Variants in RALGAPB observed in about 807,000 individuals in gnomAD.
The protein encoded by RALGAPB is Ral GTPase activating protein non-catalytic subunit beta.
RALGAPB carries 25 observed loss-of-function variants against 161.1 expected under a neutral mutation model. That is an observed-to-expected ratio of 0.16 (90% CI 0.11 to 0.22). The LOEUF (loss-of-function observed/expected upper bound fraction) is 0.22, where lower values mean the gene tolerates loss of function less well. Ranked by LOEUF, RALGAPB falls within the 10% of genes least tolerant of loss-of-function variation. RALGAPB has a pLI of 1.00. For synonymous variants in RALGAPB, 629 were observed against 626.1 expected (o/e 1.00, Z -0.07); for missense variants, 1,391 against 1,815.2 (o/e 0.77, Z 4.25).
In RALGAPB at chr20:38,493,109, C is replaced by A. The variant is rs1029785307; in HGVS notation, c.366C>A (p.His122Gln). ...AATATGTTCAAACTATACTAAAACACCTACAGAATCTTTTTGTACCAAGGT... is the reference window on the plus strand; with the variant it reads ...AATATGTTCAAACTATACTAAAACAACTACAGAATCTTTTTGTACCAAGGT... ...PNQYVQTILK[H>Q]LQNLFVPRQE... The change falls in exon 3 of 30, where the codon CAC (histidine) becomes CAA (glutamine). Residue 122 changes from histidine (H) to glutamine (Q), a missense_variant. This residue lies in a region of RALGAPB where 946 missense variants were observed against 1,257.2 expected (regional missense o/e 0.75). Coordinates refer to ENST00000262879, the MANE Select transcript of RALGAPB (RefSeq NM_020336.4). The A allele has an allele frequency of 1.9e-6, 3 of 1,607,276 alleles. No homozygotes were observed. The highest frequency in any genetic ancestry group is 1.7e-6 in the Non-Finnish European group (2 of 1,175,190).
At chr20:38,524,505 T>C (rs2086399433) in intron 10 of RALGAPB, among the ~76,000 whole-genome samples, 2 of 151,964 alleles carry the variant, frequency 1.3e-5, no homozygotes, top group South Asian at 4.1e-4. Context: ...TTTTTTTTCT[T>C]CATTAAGAAA....
At chr20:38,566,968 GCCC>G in intron 25 of RALGAPB, 125 bp from the exon 26 acceptor site, 1 of 1,427,228 alleles carries the variant, frequency 7.0e-7, no homozygotes, top group Non-Finnish European at 9.2e-7. Context: ...AAGTTTGTCA[GCCC>G]TTGCTCTCGA....
chr20:38,508,186 C>G (rs972122965), intron 5 of RALGAPB, among the ~76,000 whole-genome samples: 3 of 151,588 alleles, frequency 2.0e-5, no homozygotes, highest in African/African-American at 7.3e-5. Context: ...ATATGTCAAA[C>G]ATATTACATA....
At chr20:38,488,283 GAT>G (rs2085177165) in intron 1 of RALGAPB, 118 bp from the exon 2 acceptor site, 2 of 607,726 alleles carry the variant, frequency 3.3e-6, no homozygotes, top group Non-Finnish European at 5.5e-6. Flanking sequence ...GAAAAACATT[GAT>G]AGAGGCAAGA....
intron 3 of RALGAPB, among the ~76,000 whole-genome samples, chr20:38,495,346 G>A (rs975541344): frequency 2.0e-5 from 3 of 151,902 alleles, no homozygotes; most frequent in Non-Finnish European, 2.9e-5. Flanking sequence ...TTTAAAGTTG[G>A]TTAAGGTTTT....
chr20:38,519,427 G>A (rs936921173), intron 9 of RALGAPB, among the ~76,000 whole-genome samples: 1 of 151,936 alleles, frequency 6.6e-6, no homozygotes, highest in African/African-American at 2.4e-5. Flanking sequence ...TTCTTACAAT[G>A]TAACTTTTGG....
intron 5 of RALGAPB, among the ~76,000 whole-genome samples, chr20:38,505,299 A>G (rs540810667): frequency 6.6e-6 from 1 of 152,356 alleles, no homozygotes; most frequent in South Asian, 2.1e-4. Context: ...GCTTGAAGCC[A>G]TTATCCTAAG....
At chr20:38,519,441 T>C (rs1206383519) in intron 9 of RALGAPB, among the ~76,000 whole-genome samples, 2 of 152,264 alleles carry the variant, frequency 1.3e-5, no homozygotes, top group South Asian at 2.1e-4. Context: ...CTTTTGGGTA[T>C]AGAGCTGTTG....
Position 38,546,460 on chromosome 20 carries a change from A to G in RALGAPB, c.2902+30A>G, listed in dbSNP as rs368014449. 401 of 1,613,164 alleles carry G rather than the reference A, an allele frequency of 2.5e-4. 1 individual carries two copies. Among genetic ancestry groups the G allele is most frequent in the Non-Finnish European group, 3.2e-4 (374 of 1,179,366 alleles). On this transcript the variant is annotated intron_variant, in intron 19 of 29. Coordinates refer to ENST00000262879, the MANE Select transcript of RALGAPB (RefSeq NM_020336.4). ...GTTTATAGTACTTTGAGCCTTCTCT[A>G]CTGCTTAATCAGTGTTACCAGTACC...
intron 2 of RALGAPB, 72 bp from the exon 3 acceptor site, chr20:38,492,858 A>T: frequency 7.9e-7 from 1 of 1,267,814 alleles, no homozygotes; most frequent in Non-Finnish European, 1.1e-6. Context: ...AATAAAAGAG[A>T]TTGACATTTT....
chr20:38,544,150 T>C (rs900015545), intron 18 of RALGAPB, among the ~76,000 whole-genome samples: 1 of 152,166 alleles, frequency 6.6e-6, no homozygotes, highest in Admixed American at 6.5e-5. Context: ...AATTTGGAGA[T>C]TTTCTAACCC....
intron 20 of RALGAPB, among the ~76,000 whole-genome samples, chr20:38,550,266 C>T (rs1235603173): frequency 1.3e-5 from 2 of 152,076 alleles, no homozygotes; most frequent in African/African-American, 2.4e-5. Flanking sequence ...GCACATTATG[C>T]ACATGTACCC....
chr20:38,542,005 A>T (rs1223872291), intron 18 of RALGAPB, among the ~76,000 whole-genome samples: 3 of 152,174 alleles, frequency 2.0e-5, no homozygotes, highest in Non-Finnish European at 4.4e-5. Context: ...TAGCAGAGAA[A>T]GTTGAGAGAG....
intron 22 of RALGAPB, among the ~76,000 whole-genome samples, chr20:38,556,325 T>C (rs1432856294): frequency 6.6e-6 from 1 of 152,138 alleles, no homozygotes; most frequent in Non-Finnish European, 1.5e-5. Flanking sequence ...CTTCCTGCGA[T>C]GATAAATTCT....
chr20:38,500,710 T>G (rs1377510362), intron 5 of RALGAPB, among the ~76,000 whole-genome samples: 1 of 152,194 alleles, frequency 6.6e-6, no homozygotes, highest in Non-Finnish European at 1.5e-5. Flanking sequence ...GCTAGGCCTC[T>G]TGCACCAAAT....
At chr20:38,546,506 A>G in intron 19 of RALGAPB, 76 bp downstream of exon 19, 1 of 1,575,844 alleles carries the variant, frequency 6.3e-7, no homozygotes, top group Non-Finnish European at 8.7e-7. Context: ...TTCCAGGATC[A>G]GGGAAGGACA....
intron 22 of RALGAPB, 93 bp downstream of exon 22, chr20:38,554,169 T>TAAAAA: frequency 1.2e-6 from 1 of 865,002 alleles, no homozygotes; most frequent in Non-Finnish European, 1.7e-6. Flanking sequence ...AGAAGCGAAT[T>TAAAAA]AAAAAAAAAA....
At chr20:38,539,980 C>A (rs750140772) in intron 17 of RALGAPB, 22 bp downstream of exon 17, 1 of 1,583,652 alleles carries the variant, frequency 6.3e-7, no homozygotes. Flanking sequence ...TTATTTTAAA[C>A]CATTAAGTAA....
chr20:38,477,938 A>G (rs958327863), intron 1 of RALGAPB, among the ~76,000 whole-genome samples: 1 of 152,174 alleles, frequency 6.6e-6, no homozygotes, highest in Non-Finnish European at 1.5e-5. Flanking sequence ...CCTGGGCAGC[A>G]TAATGAGACT....
Sources: gnomAD v4.1 joint callset for allele counts (sites outside exome capture counted in the v4.1 genomes callset) on GRCh38, gnomAD v4.1.1 for gene constraint, gnomAD v4.1.1 regional missense constraint, MANE v1.5 for transcripts, NCBI Gene and HGNC (gene_info 2026-07-23, HGNC 2026-07-21) for gene names.